The following WDFY4 variants were observed in gnomAD, a reference collection of about 807,000 sequenced individuals.
WDFY4 encodes the protein WD repeat- and FYVE domain-containing protein 4.
A neutral mutation model predicts 351.9 loss-of-function variants in WDFY4; 169 were observed. That is an observed-to-expected ratio of 0.48 (90% CI 0.42 to 0.55). The LOEUF is 0.55. Ranked by LOEUF, WDFY4 falls within the 20% of genes least tolerant of loss-of-function variation. The pLI is 0.00. For synonymous variants in WDFY4, 1,622 were observed against 1,574.6 expected, an observed-to-expected ratio of 1.03 and a Z score of -0.71; for missense variants, 3,803 against 3,935.6, an observed-to-expected ratio of 0.97 and a Z score of 0.90.
chr10:48,901,940 T>A, intron 47 of WDFY4, 77 bp downstream of exon 47: 1 of 1,357,692 alleles, frequency 7.4e-7, no homozygotes, highest in Admixed American at 2.0e-5. Flanking sequence ...CATCCCACTC[T>A]AAAGAAGTCT....
In WDFY4 at chr10:48,810,755, C is replaced by T. The variant is rs1238722289; in HGVS notation, c.5044+20C>T. ...TAATGGGTGAGCACGTGGCTGTCTC[C>T]AGGGAGTGGGGCACCACCTAGTCCT... On this transcript the variant is annotated intron_variant, in intron 29 of 61. Coordinates refer to ENST00000325239, the MANE Select transcript of WDFY4 (RefSeq NM_001394531.1). 6.7e-7 allele frequency: 1 copy of T among 1,499,378 alleles called. No individual in the cohort carries two copies. Among genetic ancestry groups the T allele is most frequent in the African/African-American group, 1.4e-5 (1 of 71,338 alleles). The allele number at this position is 1,499,378 out of a possible 1,614,324, so 92.9% of individuals were successfully genotyped here.
intron 27 of WDFY4, 103 bp downstream of exon 27, chr10:48,806,198 G>A: frequency 8.7e-7 from 1 of 1,154,046 alleles, no homozygotes; most frequent in Non-Finnish European, 1.3e-6. Context: ...GAAGGGGAAG[G>A]CACCCACAGC....
At chr10:48,724,333 GTC>G (rs946349188) in intron 5 of WDFY4, among the ~76,000 whole-genome samples, 1 of 152,124 alleles carries the variant, frequency 6.6e-6, no homozygotes, top group Non-Finnish European at 1.5e-5. Context: ...GTACACACAT[GTC>G]CACATTGGCA....
intron 40 of WDFY4, among the ~76,000 whole-genome samples, chr10:48,872,886 A>AATCTATGAC (rs1242356732): frequency 6.6e-6 from 1 of 152,190 alleles, no homozygotes; most frequent in East Asian, 1.9e-4. Flanking sequence ...AACATTCTGG[A>AATCTATGAC]ATCTATGACA....
chr10:48,840,584 A>G (rs1015753414), intron 39 of WDFY4, among the ~76,000 whole-genome samples: 2 of 152,104 alleles, frequency 1.3e-5, no homozygotes, highest in East Asian at 1.9e-4. Context: ...GAATTCACCT[A>G]TCACACCAGT....
chr10:48,840,882 G>A (rs1351883854), intron 39 of WDFY4, among the ~76,000 whole-genome samples: 1 of 152,148 alleles, frequency 6.6e-6, no homozygotes, highest in African/African-American at 2.4e-5. Context: ...TACCTTTAAT[G>A]ATGTTTCTTT....
intron 39 of WDFY4, among the ~76,000 whole-genome samples, chr10:48,838,125 A>C (rs1032393849): frequency 1.4e-4 from 22 of 152,268 alleles, no homozygotes; most frequent in Non-Finnish European, 2.6e-4. Context: ...ATGAGAGGGC[A>C]CCAGAAGCGT....
At chr10:48,963,410 G>A (rs907323170) in intron 53 of WDFY4, among the ~76,000 whole-genome samples, 1 of 152,198 alleles carries the variant, frequency 6.6e-6, no homozygotes, top group Non-Finnish European at 1.5e-5. Context: ...TCGAGAGCAC[G>A]GTCTCCTGAT....
intron 47 of WDFY4, among the ~76,000 whole-genome samples, chr10:48,904,312 T>C (rs1210438022): frequency 2.0e-5 from 3 of 152,254 alleles, no homozygotes; most frequent in Non-Finnish European, 4.4e-5. Flanking sequence ...AGGATAGTCC[T>C]AATTGTGCAT....
intron 47 of WDFY4, among the ~76,000 whole-genome samples, chr10:48,938,833 A>G (rs1350975895): frequency 6.6e-6 from 1 of 152,192 alleles, no homozygotes; most frequent in Non-Finnish European, 1.5e-5. Context: ...TAATCTTTCC[A>G]TCTTTGAAGT....
intron 43 of WDFY4, among the ~76,000 whole-genome samples, chr10:48,879,384 T>C (rs1055831362): frequency 6.6e-6 from 1 of 152,224 alleles, no homozygotes; most frequent in African/African-American, 2.4e-5. Flanking sequence ...AAAGGATCCA[T>C]AGTAAACAGA....
intron 1 of WDFY4, among the ~76,000 whole-genome samples, chr10:48,694,454 T>C (rs983877782): frequency 6.6e-6 from 1 of 152,062 alleles, no homozygotes; most frequent in Admixed American, 6.5e-5. Flanking sequence ...TGACACCTCT[T>C]CCACCACCCC....
Position 48,787,807 on chromosome 10 carries a change from C to CTCCTCTTCTTCTTCTTCTTCT in WDFY4, c.3809-721_3809-720insCTCTTCTTCTTCTTCTTCTTC, listed in dbSNP as rs796166984. On this transcript the variant is annotated intron_variant, in intron 20 of 61. Transcript: ENST00000325239. ...CCTCTTCCTCCTCCTCCTCCTCCTC[C>CTCCTCTTCTTCTTCTTCTTCT]TCTTCTTCTTCTTCTTCTTCTTCTT... Among the ~76,000 whole-genome samples the CTCCTCTTCTTCTTCTTCTTCT allele has an allele frequency of 6.1e-3, 466 of 76,720 alleles. 36 individuals are homozygous for CTCCTCTTCTTCTTCTTCTTCT. The highest frequency in any genetic ancestry group is 0.014 in the Middle Eastern group (2 of 138). 50.3% of individuals were successfully genotyped at this position (76,720 alleles called of 152,430 possible). A position where few individuals can be genotyped will look rare whatever the true frequency, so the allele number is the denominator to read the frequency against.
intron 19 of WDFY4, among the ~76,000 whole-genome samples, chr10:48,786,237 T>G (rs918254412): frequency 6.6e-6 from 1 of 152,194 alleles, no homozygotes; most frequent in Admixed American, 6.5e-5. Context: ...TAAAAAAAAT[T>G]CCTTGGAACT....
At chr10:48,943,270 C>A in intron 48 of WDFY4, 60 bp from the exon 49 acceptor site, 1 of 1,537,382 alleles carries the variant, frequency 6.5e-7, no homozygotes, top group East Asian at 2.5e-5. Flanking sequence ...GGGTGGGACC[C>A]ATGGCTTTGC....
chr10:48,918,255 G>A (rs1185489561), intron 47 of WDFY4, among the ~76,000 whole-genome samples: 1 of 152,128 alleles, frequency 6.6e-6, no homozygotes, highest in Non-Finnish European at 1.5e-5. Flanking sequence ...AAGTGAAAGT[G>A]ACCTACATGC....
intron 47 of WDFY4, among the ~76,000 whole-genome samples, chr10:48,918,211 T>C (rs1698990265): frequency 6.6e-6 from 1 of 152,186 alleles, no homozygotes; most frequent in African/African-American, 2.4e-5. Context: ...ATTAAAATGA[T>C]AGACTGAAAC....
intron 24 of WDFY4, among the ~76,000 whole-genome samples, chr10:48,799,837 C>A (rs115726545): frequency 6.6e-6 from 1 of 152,240 alleles, no homozygotes; most frequent in African/African-American, 2.4e-5. Flanking sequence ...AGTCAGTGGA[C>A]TTTGGAAAAT....
intron 51 of WDFY4, among the ~76,000 whole-genome samples, chr10:48,950,366 G>T (rs372931802): frequency 3.9e-5 from 6 of 152,382 alleles, no homozygotes; most frequent in African/African-American, 1.4e-4. Flanking sequence ...GTTGCGGCAT[G>T]TGTCAGTTTC....
Sources: gnomAD v4.1 joint callset for allele counts (sites outside exome capture counted in the v4.1 genomes callset) on GRCh38, gnomAD v4.1.1 for gene constraint, MANE v1.5 for transcripts, NCBI Gene and HGNC (gene_info 2026-07-23, HGNC 2026-07-21) for gene names.